Variants in FHOD3 observed in about 807,000 individuals in gnomAD.
The protein encoded by FHOD3 is formin homology 2 domain containing 3.
A neutral mutation model predicts 173.0 loss-of-function variants in FHOD3; 90 were observed. That is an observed-to-expected ratio of 0.52 (90% CI 0.44 to 0.62). FHOD3 has a LOEUF of 0.62. FHOD3 is among the 20% of genes least tolerant of loss of function. FHOD3 has a pLI of 0.00. For synonymous variants in FHOD3, 828 were observed against 823.0 expected, an observed-to-expected ratio of 1.01 and a Z score of -0.10; for missense variants, 1,945 against 2,034.7, an observed-to-expected ratio of 0.96 and a Z score of 0.85.
At chr18:36,580,517 G>C (rs1460054505) in intron 6 of FHOD3, among the ~76,000 whole-genome samples, 1 of 152,156 alleles carries the variant, frequency 6.6e-6, no homozygotes, top group Non-Finnish European at 1.5e-5. Flanking sequence ...GTCACATGAA[G>C]GTCTCCTGCC....
intron 3 of FHOD3, among the ~76,000 whole-genome samples, chr18:36,474,645 C>T (rs185616926): frequency 1.3e-5 from 2 of 152,138 alleles, no homozygotes; most frequent in Admixed American, 6.6e-5. Flanking sequence ...GGTAGGGTGG[C>T]GGCAAGCCTT....
intron 17 of FHOD3, among the ~76,000 whole-genome samples, chr18:36,706,468 T>C (rs554114551): frequency 6.6e-6 from 1 of 152,356 alleles, no homozygotes; most frequent in African/African-American, 2.4e-5. Flanking sequence ...AGTTAGGCCC[T>C]AGTGTATTGG....
chr18:36,640,623 A>G (rs1397483122), intron 10 of FHOD3, among the ~76,000 whole-genome samples: 3 of 152,184 alleles, frequency 2.0e-5, no homozygotes, highest in Non-Finnish European at 2.9e-5. Flanking sequence ...GGACAGTTTA[A>G]ATGTCTGCAT....
chr18:36,564,499 G>A (rs2058198408), intron 5 of FHOD3, among the ~76,000 whole-genome samples: 1 of 152,160 alleles, frequency 6.6e-6, no homozygotes, highest in African/African-American at 2.4e-5. Context: ...TGTACAGGTG[G>A]CTGATGAGGG....
At chr18:36,684,727 A>G (rs183611598) in intron 15 of FHOD3, among the ~76,000 whole-genome samples, 1 of 152,210 alleles carries the variant, frequency 6.6e-6, no homozygotes, top group Admixed American at 6.5e-5. Context: ...CTGCGTAATA[A>G]CATCAAAATG....
rs1192122422 is a variant in FHOD3 at position 36,380,568 on chromosome 18, TTTTCTTTTCTTTTCC to T, written c.337+7829_337+7843del. ...CTTTCTTTTGTTTTCTTTTCTTTTC[TTTTCTTTTCTTTTCC>T]TTTCCTTTCCTTTCCTTTCCTTTCC... On this transcript the variant is annotated intron_variant, in intron 3 of 28. Transcript: ENST00000590592. 2.3e-3 allele frequency among the ~76,000 whole-genome samples: 189 copies of T among 83,132 alleles called. 1 individual carries two copies. The highest frequency in any genetic ancestry group is 9.3e-3 in the East Asian group (10 of 1,080). 54.5% of individuals were successfully genotyped at this position (83,132 alleles called of 152,430 possible). A position where few individuals can be genotyped will look rare whatever the true frequency, so the allele number is the denominator to read the frequency against.
intron 14 of FHOD3, among the ~76,000 whole-genome samples, chr18:36,667,184 T>C (rs2037236591): frequency 6.6e-6 from 1 of 152,232 alleles, no homozygotes; most frequent in East Asian, 1.9e-4. Flanking sequence ...TCTTTGTATG[T>C]ACATGTGCTT....
intron 5 of FHOD3, among the ~76,000 whole-genome samples, chr18:36,545,302 G>A (rs1244055274): frequency 1.3e-5 from 2 of 152,210 alleles, no homozygotes; most frequent in Non-Finnish European, 2.9e-5. Context: ...ATGTAATAAT[G>A]ACAGCTGGTG....
At chr18:36,680,934 T>A (rs769582361) in intron 14 of FHOD3, among the ~76,000 whole-genome samples, 1 of 152,164 alleles carries the variant, frequency 6.6e-6, no homozygotes, top group Non-Finnish European at 1.5e-5. Flanking sequence ...TTTTTAAAAT[T>A]TTAGATTTGG....
intron 20 of FHOD3, among the ~76,000 whole-genome samples, chr18:36,736,590 C>T (rs1429411858): frequency 6.6e-6 from 1 of 152,196 alleles, no homozygotes; most frequent in Non-Finnish European, 1.5e-5. Flanking sequence ...CTCTTTGAAG[C>T]AATGCTGTCA....
intron 14 of FHOD3, among the ~76,000 whole-genome samples, chr18:36,679,741 G>A (rs1209477163): frequency 6.6e-6 from 1 of 152,064 alleles, no homozygotes; most frequent in Non-Finnish European, 1.5e-5. Flanking sequence ...ATTATGATCA[G>A]TAAGGTAGCT....
chr18:36,649,415 A>C lies in FHOD3; in HGVS notation c.1286+10A>C. The C allele has an allele frequency of 6.5e-7, 1 of 1,532,738 alleles. No homozygotes were observed. The highest frequency in any genetic ancestry group is 8.7e-7 in the Non-Finnish European group (1 of 1,144,568). 94.9% of individuals were successfully genotyped at this position (1,532,738 alleles called of 1,614,324 possible). ...GTCAGGGCAAGGACAGGTACCTAGGACTGGAGCCTCCCAAGCTCACACTAA... is the reference window on the plus strand; with the variant it reads ...GTCAGGGCAAGGACAGGTACCTAGGCCTGGAGCCTCCCAAGCTCACACTAA... On this transcript the variant is annotated intron_variant, in intron 11 of 28. Transcript: ENST00000590592.
chr18:36,370,644 C>T (rs187746718), intron 2 of FHOD3, among the ~76,000 whole-genome samples: 2 of 152,254 alleles, frequency 1.3e-5, no homozygotes, highest in East Asian at 3.9e-4. Flanking sequence ...AAATGTCTTC[C>T]CTGGCCAGCT....
intron 28 of FHOD3, chr18:36,777,613 A>G (rs1045816814): frequency 6.6e-6 from 1 of 152,236 alleles, no homozygotes; most frequent in Admixed American, 6.5e-5. Context: ...TTCTTTAACA[A>G]ACACTCTAAG....
intron 3 of FHOD3, among the ~76,000 whole-genome samples, chr18:36,394,209 C>G (rs1219370013): frequency 2.0e-5 from 3 of 152,162 alleles, no homozygotes; most frequent in Non-Finnish European, 4.4e-5. Context: ...CTTATGGATT[C>G]ATTGTTATGG....
At chr18:36,492,749 G>A (rs1011203703) in intron 3 of FHOD3, among the ~76,000 whole-genome samples, 3 of 152,160 alleles carry the variant, frequency 2.0e-5, no homozygotes, top group Admixed American at 6.5e-5. Context: ...AGGCTAAATC[G>A]GGGGTACCTC....
chr18:36,743,888 A>G (rs1368145634), intron 22 of FHOD3, 144 bp from the exon 23 acceptor site: 13 of 882,700 alleles, frequency 1.5e-5, no homozygotes, highest in Admixed American at 1.4e-4. Flanking sequence ...TCAGCCATGG[A>G]TCATGGAGCA....
rs147903466 is a variant in FHOD3 at position 36,734,833 on chromosome 18, G to A, written c.3576+4029G>A. ...TGTAGCCTGGCACCATGGCTTAACG[G>A]GGTCGTTTGAAAGCTCTGTGTACCT... On this transcript the variant is annotated intron_variant, in intron 20 of 28. Transcript: ENST00000590592. Among the ~76,000 whole-genome samples, 210 of 152,230 alleles carry A rather than the reference G, an allele frequency of 1.4e-3. 3 individuals are homozygous for A. The East Asian group carries it at 0.018, about 13-fold the overall frequency.
At chr18:36,749,197 T>C (rs2042295818) in intron 24 of FHOD3, among the ~76,000 whole-genome samples, 2 of 152,232 alleles carry the variant, frequency 1.3e-5, no homozygotes, top group Admixed American at 1.3e-4. Context: ...ACTTTTATTT[T>C]AGGTTCAGGG....
Sources: gnomAD v4.1 joint callset for allele counts (sites outside exome capture counted in the v4.1 genomes callset) on GRCh38, gnomAD v4.1.1 for gene constraint, MANE v1.5 for transcripts, NCBI Gene and HGNC (gene_info 2026-07-23, HGNC 2026-07-21) for gene names.